The following FRMD4B variants were observed in gnomAD, a reference collection of about 807,000 sequenced individuals.
FRMD4B encodes the protein FERM domain containing 4B, also known as FERM domain-containing protein 4B.
In FRMD4B, 74 loss-of-function variants were observed where a neutral mutation model predicts 141.5. The observed-to-expected ratio is 0.52, with a 90% CI of 0.43 to 0.63. FRMD4B has a LOEUF of 0.63. Ranked by LOEUF, FRMD4B falls within the 30% of genes least tolerant of loss-of-function variation. The probability of loss-of-function intolerance (pLI) is 0.00; values close to 1 mark genes in which losing one functional copy is unlikely to be tolerated. For synonymous variants in FRMD4B, 506 were observed against 467.9 expected (o/e 1.08, Z -1.05); for missense variants, 1,366 against 1,253.4 (o/e 1.09, Z -1.36).
chr3:69,475,313 G>A (rs1361581185), intron 1 of FRMD4B, among the ~76,000 whole-genome samples: 5 of 151,566 alleles, frequency 3.3e-5, no homozygotes, highest in East Asian at 1.9e-4. Flanking sequence ...CCATTAACTC[G>A]TCATTTAGCA....
intron 1 of FRMD4B, among the ~76,000 whole-genome samples, chr3:69,505,802 T>C (rs9822785): frequency 0.29 from 43,523 of 152,084 alleles, 6,426 homozygotes; most frequent in African/African-American, 0.32. Context: ...ACTCTTGGGG[T>C]GGCCTCCTGG....
At chr3:69,331,842 C>A (rs1299884515) in intron 1 of FRMD4B, among the ~76,000 whole-genome samples, 1 of 152,150 alleles carries the variant, frequency 6.6e-6, no homozygotes, top group African/African-American at 2.4e-5. Flanking sequence ...ATAATCCCAG[C>A]ACTTTGGGAG....
rs577275162 is a variant in FRMD4B at position 69,215,284 on chromosome 3, C to CTTTT, written c.876+975_876+978dup. ...TCCAAATCTGATAGATTGTGACCCT[C>CTTTT]TTTTTTTTTTTTTTTTTTTTTTTTT... On this transcript the variant is annotated intron_variant, in intron 11 of 22. Coordinates refer to ENST00000398540, the MANE Select transcript of FRMD4B (RefSeq NM_015123.3). Among the ~76,000 whole-genome samples the CTTTT allele has an allele frequency of 7.4e-3, 336 of 45,208 alleles. 105 individuals carry two copies. Among genetic ancestry groups the CTTTT allele is most frequent in the African/African-American group, 0.017 (234 of 13,868 alleles). The allele number at this position is 45,208 out of a possible 152,430, so 29.7% of individuals were successfully genotyped here.
In FRMD4B at chr3:69,451,351, C is replaced by T. The variant is rs967910290; in HGVS notation, c.-128-18590G>A. Among the ~76,000 whole-genome samples, 3 of 152,290 alleles carry T rather than the reference C, an allele frequency of 2.0e-5. No individual in the cohort carries two copies. The East Asian group carries it at 5.8e-4, about 29-fold the overall frequency. On this transcript the variant is annotated intron_variant, in intron 1 of 5. Transcript: ENST00000459638. ...CTGTTGGCCTGGCAATGATCAGTGACTGATGGATGATAGCTGTAGGAAGTG... is the reference window on the plus strand; with the variant it reads ...CTGTTGGCCTGGCAATGATCAGTGATTGATGGATGATAGCTGTAGGAAGTG...
At chr3:69,327,066 G>C (rs1305003348) in intron 1 of FRMD4B, among the ~76,000 whole-genome samples, 1 of 152,102 alleles carries the variant, frequency 6.6e-6, no homozygotes, top group African/African-American at 2.4e-5. Flanking sequence ...GGTTGGGGGT[G>C]GGGGGATTTT....
At chr3:69,487,147 C>A (rs1158431717) in intron 1 of FRMD4B, among the ~76,000 whole-genome samples, 8 of 152,158 alleles carry the variant, frequency 5.3e-5, no homozygotes, top group Admixed American at 5.2e-4. Context: ...ATCTCCACCA[C>A]CTGTACTTGA....
At chr3:69,385,579 T>C (rs1210449941) in intron 1 of FRMD4B, among the ~76,000 whole-genome samples, 2 of 152,134 alleles carry the variant, frequency 1.3e-5, no homozygotes, top group Non-Finnish European at 2.9e-5. Flanking sequence ...CAGTACACCA[T>C]TGCTCTGTAA....
chr3:69,443,155 C>A (rs1048172617), intron 1 of FRMD4B, among the ~76,000 whole-genome samples: 3 of 152,146 alleles, frequency 2.0e-5, no homozygotes, highest in Non-Finnish European at 2.9e-5. Context: ...CACCCCCTGA[C>A]CCCCAGGGAG....
chr3:69,444,136 C>G (rs552156550), intron 1 of FRMD4B, among the ~76,000 whole-genome samples: 1 of 152,140 alleles, frequency 6.6e-6, no homozygotes, highest in Non-Finnish European at 1.5e-5. Context: ...CATTCCCTAG[C>G]CCCCTGCCCA....
chr3:69,537,820 A>G (rs745763457), intron 1 of FRMD4B, among the ~76,000 whole-genome samples: 6 of 152,228 alleles, frequency 3.9e-5, no homozygotes, highest in Non-Finnish European at 8.8e-5. Context: ...GCCTGTGTGC[A>G]TTAGGCACTT....
intron 2 of FRMD4B, among the ~76,000 whole-genome samples, chr3:69,432,454 T>G (rs1348386153): frequency 6.6e-6 from 1 of 152,202 alleles, no homozygotes; most frequent in Non-Finnish European, 1.5e-5. Context: ...ATTAATTTTC[T>G]TCATCATTTG....
intron 1 of FRMD4B, among the ~76,000 whole-genome samples, chr3:69,433,458 A>G (rs1249755161): frequency 1.3e-5 from 2 of 152,164 alleles, no homozygotes; most frequent in Non-Finnish European, 2.9e-5. Context: ...CAGATGTGGT[A>G]TCCCTTGTTC....
At chr3:69,355,586 G>A (rs1473540508) in intron 1 of FRMD4B, among the ~76,000 whole-genome samples, 4 of 152,164 alleles carry the variant, frequency 2.6e-5, no homozygotes, top group Non-Finnish European at 5.9e-5. Context: ...TCAGCAGCAA[G>A]TTGGGCTAGA....
intron 21 of FRMD4B, among the ~76,000 whole-genome samples, chr3:69,180,325 G>A (rs1048028686): frequency 6.7e-6 from 1 of 150,066 alleles, no homozygotes; most frequent in East Asian, 2.0e-4. Context: ...GGATTCTTAC[G>A]AGCCTTATGC....
intron 1 of FRMD4B, among the ~76,000 whole-genome samples, chr3:69,504,139 C>T (rs559376844): frequency 6.6e-6 from 1 of 152,188 alleles, no homozygotes; most frequent in African/African-American, 2.4e-5. Flanking sequence ...ACATATTTTG[C>T]ATAATTGGAT....
intron 7 of FRMD4B, among the ~76,000 whole-genome samples, chr3:69,240,848 A>C (rs1472405334): frequency 6.6e-6 from 1 of 152,200 alleles, no homozygotes; most frequent in African/African-American, 2.4e-5. Context: ...CTCCCTCAAC[A>C]ATGTCGTCTC....
chr3:69,263,068 G>A (rs542370823), intron 5 of FRMD4B, among the ~76,000 whole-genome samples: 3 of 152,064 alleles, frequency 2.0e-5, no homozygotes, highest in East Asian at 4.0e-4. Context: ...AGACCGGCCT[G>A]ACCAATATGG....
intron 11 of FRMD4B, among the ~76,000 whole-genome samples, chr3:69,204,745 C>T (rs953634223): frequency 7.2e-5 from 11 of 152,126 alleles, no homozygotes; most frequent in Non-Finnish European, 1.2e-4. Context: ...ACAACAAATA[C>T]GCAGTTAACA....
chr3:69,258,720 A>G (rs1054060483), intron 5 of FRMD4B, among the ~76,000 whole-genome samples: 1 of 152,140 alleles, frequency 6.6e-6, no homozygotes, highest in Non-Finnish European at 1.5e-5. Flanking sequence ...TGTCTTATCT[A>G]CTAGGTACAA....
Sources: gnomAD v4.1 joint callset for allele counts (sites outside exome capture counted in the v4.1 genomes callset) on GRCh38, gnomAD v4.1.1 for gene constraint, MANE v1.5 for transcripts, NCBI Gene and HGNC (gene_info 2026-07-23, HGNC 2026-07-21) for gene names.